GLB1L2: variants seen among roughly 807,000 people sequenced by gnomAD.
GLB1L2 encodes the protein galactosidase beta 1 like 2.
GLB1L2 carries 68 observed loss-of-function variants against 84.1 expected under a neutral mutation model. That is an observed-to-expected ratio of 0.81 (90% CI 0.67 to 0.99). The LOEUF is 0.99. Ranked by LOEUF, GLB1L2 falls within the 50% of genes least tolerant of loss-of-function variation. The probability of loss-of-function intolerance (pLI) is 0.00; values close to 1 mark genes in which losing one functional copy is unlikely to be tolerated. For missense variants in GLB1L2, 762 were observed against 805.6 expected (o/e 0.95, Z 0.66); for synonymous variants, 290 against 318.0 (o/e 0.91, Z 0.94).
chr11:134,373,620 AC>A, intron 15 of GLB1L2, 100 bp from the exon 16 acceptor site: 2 of 744,084 alleles, frequency 2.7e-6, no homozygotes, highest in Non-Finnish European at 4.7e-6. Context: ...ACACTTCAGC[AC>A]CCCTCACCCC....
chr11:134,372,856 C>T (rs1167773989), intron 15 of GLB1L2, among the ~76,000 whole-genome samples: 2 of 152,336 alleles, frequency 1.3e-5, no homozygotes, highest in Admixed American at 6.5e-5. Context: ...CCCAGGCCCA[C>T]ACTCCTTTAC....
chr11:134,373,663 C>A (rs78867414), intron 15 of GLB1L2, 58 bp from the exon 16 acceptor site: 2 of 1,165,498 alleles, frequency 1.7e-6, no homozygotes, highest in African/African-American at 1.5e-5. Flanking sequence ...GTGGCCCCGG[C>A]CCAGCTGACT....
At chr11:134,333,894 C>T (rs1190368043) in intron 1 of GLB1L2, among the ~76,000 whole-genome samples, 2 of 152,196 alleles carry the variant, frequency 1.3e-5, no homozygotes, top group Non-Finnish European at 2.9e-5. Context: ...GCAGGTAGAA[C>T]AGAAGCTCAA....
At chr11:134,357,149 C>G (rs1255097906) in intron 6 of GLB1L2, among the ~76,000 whole-genome samples, 1 of 152,174 alleles carries the variant, frequency 6.6e-6, no homozygotes, top group African/African-American at 2.4e-5. Context: ...ATGGTGTGAG[C>G]TGAGGAAGTG....
chr11:134,333,176 C>G (rs1337074587), intron 1 of GLB1L2, among the ~76,000 whole-genome samples: 1 of 152,174 alleles, frequency 6.6e-6, no homozygotes, highest in Non-Finnish European at 1.5e-5. Flanking sequence ...CTTGTCAAGA[C>G]TGGATTCTTG....
chr11:134,344,291 G>A (rs1943512951), intron 2 of GLB1L2, 96 bp from the exon 3 acceptor site: 3 of 1,388,010 alleles, frequency 2.2e-6, no homozygotes, highest in Admixed American at 1.7e-5. Context: ...CATATCTTTA[G>A]CCATCATATT....
intron 6 of GLB1L2, among the ~76,000 whole-genome samples, chr11:134,358,403 G>A (rs143917163): frequency 0.014 from 2,177 of 152,374 alleles, 19 homozygotes; most frequent in Non-Finnish European, 0.021. Context: ...AGGGCCTGGC[G>A]TGGCAGTGAC....
At chr11:134,332,185 C>A (rs1207811046) in intron 1 of GLB1L2, 38 bp downstream of exon 1, 4 of 1,398,876 alleles carry the variant, frequency 2.9e-6, no homozygotes, top group Non-Finnish European at 3.9e-6. Flanking sequence ...CCGGACCCCA[C>A]ATTCCCCAGC....
chr11:134,357,074 C>T (rs781562418), intron 6 of GLB1L2, among the ~76,000 whole-genome samples: 4 of 152,128 alleles, frequency 2.6e-5, no homozygotes, highest in Admixed American at 6.5e-5. Context: ...TCTAGTAAGT[C>T]GTCAATAAAT....
chr11:134,370,543 G>T lies in GLB1L2; in HGVS notation c.1215+144G>T, dbSNP rs564794381. ...TGGAGCCCCTCCAGACAGGGAGTGT[G>T]GGGGGAGGCAGGCCAGTGCCTGGTG... On this transcript the variant is annotated intron_variant, in intron 12 of 18. Transcript: ENST00000535456. The surrounding 1 kb of genome is among the most constrained non-coding windows in gnomAD (Gnocchi z 4.7). The T allele has an allele frequency of 2.6e-5, 17 of 661,282 alleles. No individual in the cohort carries two copies. Among genetic ancestry groups the T allele is most frequent in the South Asian group, 5.3e-5 (3 of 56,976 alleles). The allele number at this position is 661,282 out of a possible 1,614,324, so 41.0% of individuals were successfully genotyped here. A position where few individuals can be genotyped will look rare whatever the true frequency, so the allele number is the denominator to read the frequency against.
rs116462192 is a variant in GLB1L2 at position 134,374,563 on chromosome 11, C to T, written c.1708-39C>T. 1.1e-4 allele frequency: 163 copies of T among 1,504,124 alleles called. 1 individual carries two copies. The African/African-American group carries it at 2.1e-3, about 20-fold the overall frequency. The allele number at this position is 1,504,124 out of a possible 1,614,324, so 93.2% of individuals were successfully genotyped here. The stretch of plus-strand genomic sequence containing the variant: ...ATGTCTCCCTCCACTTTTGCTGTGG[C>T]TCTCGTGGTAGATGAACACCCTTCC... On this transcript the variant is annotated intron_variant, in intron 17 of 18. Transcript: ENST00000535456.
intron 7 of GLB1L2, among the ~76,000 whole-genome samples, chr11:134,363,568 C>A (rs1943827599): frequency 6.6e-6 from 1 of 152,238 alleles, no homozygotes; most frequent in African/African-American, 2.4e-5. Context: ...TGATAGAAAG[C>A]CACTGAAAAT....
chr11:134,363,790 C>T (rs1303552556), intron 7 of GLB1L2, among the ~76,000 whole-genome samples: 1 of 152,192 alleles, frequency 6.6e-6, no homozygotes, highest in East Asian at 1.9e-4. Context: ...ATCAGGTGCA[C>T]AGCGAGTGAC....
At chr11:134,351,033 A>G (rs868020545) in intron 5 of GLB1L2, among the ~76,000 whole-genome samples, 3 of 152,198 alleles carry the variant, frequency 2.0e-5, no homozygotes. Context: ...TTTCTTGACT[A>G]ATTGCTCTGG....
chr11:134,370,252 A>G lies in GLB1L2; in HGVS notation c.1109-41A>G. 1 of 1,552,566 alleles carries G rather than the reference A, an allele frequency of 6.4e-7. No individual in the cohort carries two copies. The highest frequency in any genetic ancestry group is 8.9e-7 in the Non-Finnish European group (1 of 1,124,258). Reference sequence around the variant, plus strand: ...GTGGGGAGGACGAGCAGGCAGTGACATTTGGGTCCGTTGGGGGTGACCCTG... The same window carrying G: ...GTGGGGAGGACGAGCAGGCAGTGACGTTTGGGTCCGTTGGGGGTGACCCTG... On this transcript the variant is annotated intron_variant, in intron 11 of 18. Coordinates refer to ENST00000535456, the MANE Select transcript of GLB1L2 (RefSeq NM_001370461.1). This position sits in a 1 kb window ranked among gnomAD's most constrained non-coding sequence, Gnocchi z 4.7.
chr11:134,364,617 A>C, intron 8 of GLB1L2: 1 of 535,166 alleles, frequency 1.9e-6, no homozygotes, highest in Non-Finnish European at 3.3e-6. Context: ...GACATCACCC[A>C]CTGCCCTGAG....
chr11:134,369,008 G>A (rs1022677627), intron 10 of GLB1L2, among the ~76,000 whole-genome samples: 14 of 152,302 alleles, frequency 9.2e-5, no homozygotes, highest in Non-Finnish European at 1.3e-4. Context: ...GGCCTCTTTG[G>A]CAAAGGTTGG....
intron 5 of GLB1L2, among the ~76,000 whole-genome samples, chr11:134,348,124 A>T (rs1463127115): frequency 6.6e-6 from 1 of 152,250 alleles, no homozygotes; most frequent in Non-Finnish European, 1.5e-5. Flanking sequence ...TCAATAAAAA[A>T]TTAGTTCAAG....
Position 134,370,541 on chromosome 11 carries a change from G to GT in GLB1L2, c.1215+143dup, listed in dbSNP as rs1287529051. 1.5e-6 allele frequency: 1 copy of GT among 663,970 alleles called. No individual in the cohort carries two copies. Among genetic ancestry groups the GT allele is most frequent in the African/African-American group, 1.8e-5 (1 of 55,596 alleles). The allele number at this position is 663,970 out of a possible 1,614,324, so 41.1% of individuals were successfully genotyped here. A position where few individuals can be genotyped will look rare whatever the true frequency, so the allele number is the denominator to read the frequency against. ...CCTGGAGCCCCTCCAGACAGGGAGT[G>GT]TGGGGGGAGGCAGGCCAGTGCCTGG... On this transcript the variant is annotated intron_variant, in intron 12 of 18. Coordinates refer to ENST00000535456, the MANE Select transcript of GLB1L2 (RefSeq NM_001370461.1). This position sits in a 1 kb window ranked among gnomAD's most constrained non-coding sequence, Gnocchi z 4.7.
Sources: allele counts gnomAD v4.1 joint callset (sites outside exome capture counted in the v4.1 genomes callset), GRCh38; gene constraint gnomAD v4.1.1; non-coding constraint Gnocchi (gnomAD v3.1); transcripts MANE v1.5; gene names NCBI Gene and HGNC (gene_info 2026-07-23, HGNC 2026-07-21).